ATG7: variants seen among roughly 807,000 people sequenced by gnomAD.
The protein encoded by ATG7 is ubiquitin-like modifier-activating enzyme ATG7.
Under a neutral mutation model 82.4 loss-of-function variants are expected in ATG7, and 70 were observed. That is an observed-to-expected ratio of 0.85 (90% CI 0.70 to 1.04). The LOEUF (loss-of-function observed/expected upper bound fraction) is 1.04. Among genes scored for constraint, ATG7 ranks in the 50% least tolerant of loss-of-function variants. The pLI, the probability that ATG7 is intolerant of heterozygous loss-of-function variation, is 0.00. For synonymous variants in ATG7, 287 were observed against 313.0 expected, an observed-to-expected ratio of 0.92 and a Z score of 0.88; for missense variants, 792 against 864.3, an observed-to-expected ratio of 0.92 and a Z score of 1.05.
At chr3:11,497,356 A>ATTATATATATATGTATATGT (rs2090910946) in intron 20 of ATG7, among the ~76,000 whole-genome samples, 1 of 30,534 alleles carries the variant, frequency 3.3e-5, no homozygotes, top group African/African-American at 1.4e-4. Flanking sequence ...TACTAAAAAT[A>ATTATATATATATGTATATGT]CTATATATAT....
chr3:11,381,123 G>A (rs576780243), intron 19 of ATG7, among the ~76,000 whole-genome samples: 6 of 152,308 alleles, frequency 3.9e-5, no homozygotes, highest in South Asian at 4.1e-4. Context: ...TGCATCCCAA[G>A]TGCCTATGTT....
At chr3:11,376,915 A>AT (rs1187792025) in intron 18 of ATG7, among the ~76,000 whole-genome samples, 1 of 151,838 alleles carries the variant, frequency 6.6e-6, no homozygotes, top group Non-Finnish European at 1.5e-5. Flanking sequence ...ATTTTTTTGT[A>AT]TTTTTAGTAG....
chr3:11,565,052 T>C, the ATG7 span: 2 of 1,462,866 alleles, frequency 1.4e-6, no homozygotes, highest in African/African-American at 1.5e-5. This position sits in a 1 kb window ranked among gnomAD's most constrained non-coding sequence, Gnocchi z 4.1. Flanking sequence ...CAGGGGGCGT[T>C]TTCTCAAAGG....
rs376293523 is a variant in ATG7 at position 11,351,670 on chromosome 3, C to T, written c.1284+3635C>T. On this transcript the variant is annotated intron_variant, in intron 14 of 20. Coordinates refer to ENST00000693202, the MANE Select transcript of ATG7 (RefSeq NM_001349232.2). ...TTGGACTATTAAGTCCCCCAGGCCA[C>T]GGTCCAAGTCTTTTATACTTTTATC... Among the ~76,000 whole-genome samples the T allele has an allele frequency of 2.6e-5, 4 of 152,274 alleles. 1 individual carries two copies. Among genetic ancestry groups the T allele is most frequent in the South Asian group, 4.1e-4 (2 of 4,828 alleles).
chr3:11,485,368 G>A (rs901819952), intron 20 of ATG7, among the ~76,000 whole-genome samples: 9 of 152,108 alleles, frequency 5.9e-5, no homozygotes, highest in African/African-American at 1.4e-4. Context: ...CATATTCTTC[G>A]CCCACTTTTC....
intron 19 of ATG7, among the ~76,000 whole-genome samples, chr3:11,414,956 A>T (rs2081239556): frequency 6.6e-6 from 1 of 152,202 alleles, no homozygotes; most frequent in South Asian, 2.1e-4. Flanking sequence ...TTGCTAAACG[A>T]TGGGGATACC....
intron 19 of ATG7, among the ~76,000 whole-genome samples, chr3:11,384,040 C>G (rs1014515063): frequency 1.3e-5 from 2 of 152,142 alleles, no homozygotes; most frequent in Admixed American, 1.3e-4. Flanking sequence ...CCAGTCAATT[C>G]TGGGGGAAGG....
At chr3:11,324,023 G>T (rs541586152) in intron 9 of ATG7, among the ~76,000 whole-genome samples, 7 of 152,306 alleles carry the variant, frequency 4.6e-5, no homozygotes, top group African/African-American at 1.7e-4. Context: ...TCAGCAAATT[G>T]CTTGGCAGAC....
intron 14 of ATG7, among the ~76,000 whole-genome samples, chr3:11,352,828 C>T (rs1246122193): frequency 2.0e-5 from 3 of 152,166 alleles, no homozygotes; most frequent in Admixed American, 6.5e-5. Context: ...ACATTTGGTC[C>T]AAGCTCTGAA....
At chr3:11,446,795 G>A (rs1020959357) in intron 20 of ATG7, 2 of 190,724 alleles carry the variant, frequency 1.0e-5, no homozygotes, top group African/African-American at 4.8e-5. Flanking sequence ...GCTCCAGGGG[G>A]AGGTGGTTGA....
At chr3:11,409,231 G>C (rs1342578719) in intron 19 of ATG7, among the ~76,000 whole-genome samples, 9 of 152,212 alleles carry the variant, frequency 5.9e-5, no homozygotes. Flanking sequence ...ACCATGGTGT[G>C]AGAGTAATAG....
intron 7 of ATG7, among the ~76,000 whole-genome samples, chr3:11,312,500 T>A (rs1004849739): frequency 6.6e-6 from 1 of 152,222 alleles, no homozygotes; most frequent in Admixed American, 6.5e-5. Flanking sequence ...CCTCTTCTAT[T>A]CACCCATCCA....
chr3:11,524,514 T>C (rs1028612870), intron 20 of ATG7, among the ~76,000 whole-genome samples: 3 of 152,176 alleles, frequency 2.0e-5, no homozygotes, highest in African/African-American at 7.2e-5. Context: ...ATCCCAGCAC[T>C]TTGAGAGGCC....
chr3:11,540,453 A>G (rs890857981), intron 20 of ATG7, among the ~76,000 whole-genome samples: 6 of 148,192 alleles, frequency 4.0e-5, no homozygotes, highest in Non-Finnish European at 5.9e-5. Flanking sequence ...ACCCTGAGCA[A>G]CATGGCAAGA....
intron 20 of ATG7, among the ~76,000 whole-genome samples, chr3:11,472,589 C>T (rs2087672283): frequency 6.6e-6 from 1 of 152,174 alleles, no homozygotes; most frequent in South Asian, 2.1e-4. Flanking sequence ...AAGGGCTGAG[C>T]AAGCAGAGCA....
chr3:11,399,890 G>A (rs1414368529), intron 19 of ATG7, among the ~76,000 whole-genome samples: 1 of 152,154 alleles, frequency 6.6e-6, no homozygotes, highest in Non-Finnish European at 1.5e-5. Flanking sequence ...ACTTTGTAGG[G>A]ACTTCGGATG....
At chr3:11,541,146 C>T (rs190371439) in intron 20 of ATG7, among the ~76,000 whole-genome samples, 1,941 of 152,234 alleles carry the variant, frequency 0.013, 43 homozygotes, top group African/African-American at 0.044. Context: ...GTGATCCGCC[C>T]GCCTCGGCCT....
At position 11,347,862 on chromosome 3, in the gene ATG7, C is replaced by G; in HGVS notation, c.1126-15C>G. On this transcript the variant is annotated splice_polypyrimidine_tract_variant and intron_variant, in intron 13 of 20. Transcript: ENST00000693202. ...GTTCATCAGAAACACACCATGATCT[C>G]CTGTTTCCACACAGGGTTGGGGCGT... The G allele has an allele frequency of 6.2e-7, 1 of 1,610,374 alleles. No individual in the cohort carries two copies. Among genetic ancestry groups the G allele is most frequent in the Non-Finnish European group, 8.5e-7 (1 of 1,177,624 alleles).
At chr3:11,313,272 T>G in intron 7 of ATG7, 32 bp from the exon 8 acceptor site, 1 of 1,433,394 alleles carries the variant, frequency 7.0e-7, no homozygotes, top group East Asian at 2.3e-5. Flanking sequence ...AATGGTGCTA[T>G]TCTAATAACT....
Sources: gnomAD v4.1 joint callset for allele counts (sites outside exome capture counted in the v4.1 genomes callset) on GRCh38, gnomAD v4.1.1 for gene constraint, Gnocchi (gnomAD v3.1) non-coding constraint, MANE v1.5 for transcripts, NCBI Gene and HGNC (gene_info 2026-07-23, HGNC 2026-07-21) for gene names.